The following LRP4 variants were observed in gnomAD, a reference collection of about 807,000 sequenced individuals.
The protein encoded by LRP4 is low-density lipoprotein receptor-related protein 4.
Under a neutral mutation model 220.3 loss-of-function variants are expected in LRP4, and 95 were observed. The ratio of observed to expected loss-of-function variants is 0.43; its 90% CI spans 0.37 to 0.51. LRP4 has a LOEUF of 0.51. Ranked by LOEUF, LRP4 falls within the 20% of genes least tolerant of loss-of-function variation. The pLI is 0.00. For synonymous variants in LRP4, 903 were observed against 954.6 expected (o/e 0.95, Z 1.00); for missense variants, 1,925 against 2,567.0 (o/e 0.75, Z 5.40).
At position 46,917,001 on chromosome 11, in the gene LRP4, A is replaced by G. The variant is rs922354643; in HGVS notation, c.52+1327T>C. ...GGCCGGCCAAGCTACCGCTCTTCGG[A>G]GAGAAAGAGCTCAGTCCGCGCTAGA... is the stretch of plus-strand genomic sequence containing the variant. On this transcript the variant is annotated intron_variant, in intron 1 of 37. Transcript: ENST00000378623. 4.6e-5 allele frequency among the ~76,000 whole-genome samples: 7 copies of G among 152,230 alleles called. No individual in the cohort carries two copies. The South Asian group carries it at 6.2e-4, about 13-fold the overall frequency.
intron 1 of LRP4, among the ~76,000 whole-genome samples, chr11:46,906,124 C>T (rs978407001): frequency 6.6e-6 from 1 of 152,132 alleles, no homozygotes; most frequent in African/African-American, 2.4e-5. Flanking sequence ...TTGTGCAAGT[C>T]ACGTAGCCCC....
In LRP4 at chr11:46,918,198, C is replaced by T; in HGVS notation, c.52+130G>A. 9.8e-7 allele frequency: 1 copy of T among 1,022,066 alleles called. No individual in the cohort carries two copies. Among genetic ancestry groups the T allele is most frequent in the Non-Finnish European group, 1.4e-6 (1 of 714,542 alleles). 63.3% of individuals were successfully genotyped at this position (1,022,066 alleles called of 1,614,324 possible). ...CGCTCCGGGTCCTCTCCCCTGCACG[C>T]AGCCCCAGGGCCACGGCTAGGAGCG... On this transcript the variant is annotated intron_variant, in intron 1 of 37. Coordinates refer to ENST00000378623, the MANE Select transcript of LRP4 (RefSeq NM_002334.4). The surrounding 1 kb of genome is among the most constrained non-coding windows in gnomAD (Gnocchi z 6.0).
intron 31 of LRP4, among the ~76,000 whole-genome samples, chr11:46,870,585 G>T (rs959154665): frequency 1.3e-5 from 2 of 152,068 alleles, no homozygotes; most frequent in African/African-American, 4.8e-5. Flanking sequence ...CAGCACACCT[G>T]GCTAATTTAA....
rs74607937 is a variant in LRP4 at position 46,889,093 on chromosome 11, C to G, written c.2215+318G>C. On this transcript the variant is annotated intron_variant, in intron 16 of 37. Transcript: ENST00000378623. ...AGGTAAAAAGGTAGGAAATCATTCC[C>G]CTGTTTTCTAGAAGAGCATAAAACC... Among the ~76,000 whole-genome samples, 3,894 of 152,272 alleles carry G rather than the reference C, an allele frequency of 0.026. 167 individuals are homozygous for G. The highest frequency in any genetic ancestry group is 0.089 in the African/African-American group (3,705 of 41,558).
At chr11:46,900,038 C>T in intron 3 of LRP4, 62 bp from the exon 4 acceptor site, 1 of 1,367,072 alleles carries the variant, frequency 7.3e-7, no homozygotes, top group Admixed American at 1.7e-5. Flanking sequence ...GGAAGCCTGA[C>T]TTAAAGCCCT....
rs747933919 is a variant in LRP4, at chr11:46,889,427, G to A, written c.2199C>T (p.Ser733=). 1 of 1,614,090 alleles carries A rather than the reference G, an allele frequency of 6.2e-7. No homozygotes were observed. The highest frequency in any genetic ancestry group is 1.3e-5 in the African/African-American group (1 of 75,066). Residue 733 remains serine, a synonymous_variant, in exon 16 of 38, where the codon AGC becomes AGT. Coordinates refer to ENST00000378623, the MANE Select transcript of LRP4 (RefSeq NM_002334.4). ...ACPTGFRKIS[S]HACAQSLDKF... ...CCCACTTACTCTGGGCACAGGCGTG[G>A]CTGCTGATCTTGCGGAAGCCAGTGG...
At chr11:46,871,838 G>A (rs780334330) in intron 30 of LRP4, among the ~76,000 whole-genome samples, 11 of 152,128 alleles carry the variant, frequency 7.2e-5, no homozygotes, top group Non-Finnish European at 1.2e-4. Flanking sequence ...GGGCTGCTCT[G>A]GGGAGGCATA....
At chr11:46,907,479 G>A (rs1291987839) in intron 1 of LRP4, among the ~76,000 whole-genome samples, 2 of 152,212 alleles carry the variant, frequency 1.3e-5, no homozygotes, top group Non-Finnish European at 2.9e-5. Flanking sequence ...CATGGCCCAG[G>A]ATGGCTTTGA....
At chr11:46,872,980 G>A in intron 30 of LRP4, 120 bp downstream of exon 30, 1 of 1,354,076 alleles carries the variant, frequency 7.4e-7, no homozygotes. Context: ...CCTTCTCAAT[G>A]ATTCCTCTTC....
rs915365662 is a variant in LRP4 at position 46,890,882 on chromosome 11, C to A, written c.1698-388G>T. Among the ~76,000 whole-genome samples the A allele has an allele frequency of 3.3e-5, 5 of 152,148 alleles. No homozygotes were observed. The highest frequency in any genetic ancestry group is 7.2e-5 in the African/African-American group (3 of 41,424). ...GTACTGGGATTATAGGCATGAGTCA[C>A]CATGCCCAGCCTCAGAATGCTTTTT... On this transcript the variant is annotated intron_variant, in intron 13 of 37. Coordinates refer to ENST00000378623, the MANE Select transcript of LRP4 (RefSeq NM_002334.4). This position sits in a 1 kb window ranked among gnomAD's most constrained non-coding sequence, Gnocchi z 5.3.
intron 19 of LRP4, among the ~76,000 whole-genome samples, chr11:46,882,836 C>T (rs1011498635): frequency 6.6e-6 from 1 of 151,584 alleles, no homozygotes; most frequent in African/African-American, 2.4e-5. Flanking sequence ...CATCCTGGGC[C>T]ACAGAGCAAG....
intron 1 of LRP4, among the ~76,000 whole-genome samples, chr11:46,909,611 CAAAAAAAAAAAAAAAAAA>C (rs71042636): frequency 2.2e-5 from 1 of 46,096 alleles, no homozygotes; most frequent in African/African-American, 1.0e-4. Flanking sequence ...GACTCCGTCT[CAAAAAAAAAAAAAAAAAA>C]AAAAAAAAAA....
Position 46,899,295 on chromosome 11 carries a change from T to A in LRP4, c.547+92A>T, listed in dbSNP as rs1941614609. On this transcript the variant is annotated intron_variant, in intron 5 of 37. Coordinates refer to ENST00000378623, the MANE Select transcript of LRP4 (RefSeq NM_002334.4). The surrounding 1 kb of genome is among the most constrained non-coding windows in gnomAD (Gnocchi z 5.9). ...CTGAGGCACCCATGCTCCTTGCCCT[T>A]GGTACATGCACTCCTCAGCCTCGCC... The A allele has an allele frequency of 1.8e-6, 2 of 1,091,624 alleles. No homozygotes were observed. The highest frequency in any genetic ancestry group is 3.1e-5 in the African/African-American group (2 of 65,020). The allele number at this position is 1,091,624 out of a possible 1,614,324, so 67.6% of individuals were successfully genotyped here.
intron 1 of LRP4, among the ~76,000 whole-genome samples, chr11:46,904,639 C>T (rs1279806093): frequency 6.6e-6 from 1 of 152,130 alleles, no homozygotes; most frequent in Admixed American, 6.5e-5. Flanking sequence ...TGGCCCTCTC[C>T]CTCCACATGC....
chr11:46,872,995 C>T, intron 30 of LRP4, 105 bp downstream of exon 30: 1 of 1,473,664 alleles, frequency 6.8e-7, no homozygotes, highest in Non-Finnish European at 9.5e-7. Context: ...CTCTTCCCCA[C>T]ATACCAAGAA....
Position 46,898,665 on chromosome 11 carries a change from G to T in LRP4, c.689C>A (p.Pro230His). The T allele has an allele frequency of 6.2e-7, 1 of 1,614,118 alleles. No homozygotes were observed. The highest frequency in any genetic ancestry group is 8.5e-7 in the Non-Finnish European group (1 of 1,180,036). Residue 230 changes from proline to histidine, a missense_variant, in exon 7 of 38, where the codon CCC (proline) becomes CAC (histidine). Transcript: ENST00000378623. ...SDESDCSSHQ[P>H]CRSGEFMCDS... Reference sequence around the variant, plus strand: ...ACACATGAACTCCCCAGAGCGGCAGGGCTGGTGGGAGGCTAGGGAAACACA... The same window carrying T: ...ACACATGAACTCCCCAGAGCGGCAGTGCTGGTGGGAGGCTAGGGAAACACA...
intron 10 of LRP4, 103 bp downstream of exon 10, chr11:46,895,781 T>G: frequency 6.8e-5 from 103 of 1,507,214 alleles, no homozygotes; most frequent in Non-Finnish European, 8.7e-5. Flanking sequence ...GAGGACGAAA[T>G]GAGGTCACAC....
At chr11:46,903,126 G>T (rs1284185788) in intron 1 of LRP4, among the ~76,000 whole-genome samples, 197 bp from the exon 2 acceptor site, 1 of 152,176 alleles carries the variant, frequency 6.6e-6, no homozygotes, top group African/African-American at 2.4e-5. Flanking sequence ...CTGACTTTGG[G>T]CTTACAAAGA....
At chr11:46,907,211 C>T (rs1199947757) in intron 1 of LRP4, among the ~76,000 whole-genome samples, 1 of 152,224 alleles carries the variant, frequency 6.6e-6, no homozygotes, top group East Asian at 1.9e-4. Flanking sequence ...CCAGCCACAT[C>T]GCAAGCTCCC....
Sources: gnomAD v4.1 joint callset for allele counts (sites outside exome capture counted in the v4.1 genomes callset) on GRCh38, gnomAD v4.1.1 for gene constraint, Gnocchi (gnomAD v3.1) non-coding constraint, MANE v1.5 for transcripts, NCBI Gene and HGNC (gene_info 2026-07-23, HGNC 2026-07-21) for gene names.